SMTN: variants seen among roughly 807,000 people sequenced by gnomAD.
SMTN encodes smoothelin.
Under a neutral mutation model 102.0 loss-of-function variants are expected in SMTN, and 58 were observed. That is an observed-to-expected ratio of 0.57 (90% confidence interval 0.46 to 0.71). The LOEUF is 0.71. Among genes scored for constraint, SMTN ranks in the 30% least tolerant of loss-of-function variants. The probability of loss-of-function intolerance (pLI) is 0.00; values close to 1 mark genes in which losing one functional copy is unlikely to be tolerated. For synonymous variants in SMTN, 478 were observed against 497.9 expected (o/e 0.96, Z 0.53); for missense variants, 1,185 against 1,241.7 (o/e 0.95, Z 0.69).
intron 13 of SMTN, chr22:31,096,021 C>T (rs556085648): frequency 4.4e-4 from 122 of 277,556 alleles, no homozygotes; most frequent in African/African-American, 2.6e-3. Flanking sequence ...TTCCCTTTTC[C>T]TGGACACAAC....
At chr22:31,073,269 A>C (rs1473531282) in intron 1 of SMTN, among the ~76,000 whole-genome samples, 1 of 152,088 alleles carries the variant, frequency 6.6e-6, no homozygotes, top group Non-Finnish European at 1.5e-5. Context: ...GCACGCACGC[A>C]TGCACGCATG....
In SMTN at chr22:31,087,956, C is replaced by CCACTGCAGCTGGAGGT. The variant is rs1175505532; in HGVS notation, c.52-5_62dup. ...AGCCAAAATGACCTGCCTCTCGCACCCACTGCAGCTGGAGGTCACAGCAGA... is the reference window on the plus strand; with the variant it reads ...AGCCAAAATGACCTGCCTCTCGCACCCACTGCAGCTGGAGGTCACTGCAGCTGGAGGTCACAGCAGA... On this transcript the variant is annotated splice_polypyrimidine_tract_variant and intron_variant, in intron 2 of 20. Coordinates refer to ENST00000333137, the MANE Select transcript of SMTN (RefSeq NM_134269.3). 6.3e-7 allele frequency: 1 copy of CCACTGCAGCTGGAGGT among 1,579,576 alleles called. No homozygotes were observed. The highest frequency in any genetic ancestry group is 8.6e-7 in the Non-Finnish European group (1 of 1,158,614).
At chr22:31,104,263 C>T in intron 20 of SMTN, 53 bp from the exon 21 acceptor site, 2 of 1,601,698 alleles carry the variant, frequency 1.2e-6, no homozygotes, top group Non-Finnish European at 1.7e-6. Flanking sequence ...TAGAGGGGCG[C>T]CACGAGAGGC....
intron 1 of SMTN, 102 bp from the exon 2 acceptor site, chr22:31,083,076 TA>T: frequency 6.7e-7 from 1 of 1,486,590 alleles, no homozygotes; most frequent in Non-Finnish European, 9.2e-7. Flanking sequence ...GATGGGACAG[TA>T]ATGGACGCTC....
chr22:31,094,742 C>T (rs1220597629), intron 11 of SMTN, among the ~76,000 whole-genome samples: 1 of 150,944 alleles, frequency 6.6e-6, no homozygotes, highest in Non-Finnish European at 1.5e-5. Context: ...AGTGCAGCTG[C>T]ATGATCATAG....
At position 31,088,723 on chromosome 22, in the gene SMTN, G is replaced by C. The variant is rs1180374201; in HGVS notation, c.319G>C (p.Glu107Gln). 2.5e-6 allele frequency: 4 copies of C among 1,613,676 alleles called. No homozygotes were observed. Among genetic ancestry groups the C allele is most frequent in the Non-Finnish European group, 3.4e-6 (4 of 1,179,812 alleles). Residue 107 changes from glutamate to glutamine, a missense_variant, in exon 5 of 21, where the codon GAG becomes CAG. Transcript: ENST00000333137. The stretch of plus-strand genomic sequence containing the variant: ...GTTGCGAAGCGCTGGTGAGTATGAG[G>C]AGCGCAAGCTGATCCGAGCTGCCAT... Reference protein sequence around the residue: ...ALLRSAGEYEERKLIRAAIRR... With the variant: ...ALLRSAGEYEQRKLIRAAIRR...
chr22:31,066,716 C>T (rs1186830387), intron 1 of SMTN: 2 of 152,122 alleles, frequency 1.3e-5, no homozygotes, highest in African/African-American at 4.8e-5. Flanking sequence ...CATATCAAAC[C>T]TCCTAATTAA....
chr22:31,068,505 G>A (rs1164256650), intron 1 of SMTN, among the ~76,000 whole-genome samples: 3 of 152,004 alleles, frequency 2.0e-5, no homozygotes, highest in Non-Finnish European at 2.9e-5. Context: ...GCTGTCTTTT[G>A]TACCAATTAG....
At chr22:31,092,955 C>T (rs1406754446) in intron 11 of SMTN, among the ~76,000 whole-genome samples, 1 of 152,222 alleles carries the variant, frequency 6.6e-6, no homozygotes, top group Non-Finnish European at 1.5e-5. Flanking sequence ...GCCTCCATTT[C>T]CCCCATCTGT....
chr22:31,071,733 A>G (rs2042009243), intron 1 of SMTN, among the ~76,000 whole-genome samples: 1 of 140,716 alleles, frequency 7.1e-6, no homozygotes. Context: ...TTTCACTCTG[A>G]TACCCAATCT....
chr22:31,101,034 T>C lies in SMTN; in HGVS notation c.*5T>C, dbSNP rs779531991. On this transcript the variant is annotated 3_prime_UTR_variant, in exon 20 of 21. Coordinates refer to ENST00000333137, the MANE Select transcript of SMTN (RefSeq NM_134269.3). ...GTAAAAACCAAAAAGTCCTAACCCC[T>C]GCTCGGGGCCCCACGGTGAGAAACG... 1.2e-6 allele frequency: 2 copies of C among 1,604,424 alleles called. No individual in the cohort carries two copies. The highest frequency in any genetic ancestry group is 1.7e-6 in the Non-Finnish European group (2 of 1,173,888).
rs779944602 is a variant in SMTN at position 31,095,514 on chromosome 22, A to G, written c.1786-20A>G. ...GAGGCCAGCAGGCACCAGGTAGGCAATGATGGGCTCTATATGCAGCTGGAT... is the reference window on the plus strand; with the variant it reads ...GAGGCCAGCAGGCACCAGGTAGGCAGTGATGGGCTCTATATGCAGCTGGAT... On this transcript the variant is annotated intron_variant, in intron 12 of 20. Coordinates refer to ENST00000333137, the MANE Select transcript of SMTN (RefSeq NM_134269.3). The surrounding 1 kb of genome is among the most constrained non-coding windows in gnomAD (Gnocchi z 4.1). The G allele has an allele frequency of 4.3e-6, 7 of 1,614,210 alleles. No individual in the cohort carries two copies. Among genetic ancestry groups the G allele is most frequent in the Middle Eastern group, 1.6e-4 (1 of 6,062 alleles).
chr22:31,098,737 G>A lies in SMTN; in HGVS notation c.2230G>A (p.Glu744Lys). Residue 744 changes from glutamate to lysine, a missense_variant, in exon 17 of 21, where the codon GAG (glutamate) becomes AAG (lysine). Transcript: ENST00000333137. ...GGCGGCGCTCGAGAAACGGCAGGCC[G>A]AGAAGAAGAAAGAGCTGATGAAGGC... ...SLAALEKRQA[E>K]KKKELMKAQS... 3 of 1,613,378 alleles carry A rather than the reference G, an allele frequency of 1.9e-6. No homozygotes were observed. The highest frequency in any genetic ancestry group is 1.1e-5 in the South Asian group (1 of 91,080).
chr22:31,096,764 GCAGGAGGCA>G lies in SMTN; in HGVS notation c.1895_1903del (p.Gln632_Ala634del), dbSNP rs769921714. ...GGGACAAGGAGCGGGAACGGCGGCT[GCAGGAGGCA>G]CGGGGCCGGCCAGGGGAGGGGCGCG... On this transcript the variant is annotated inframe_deletion, in exon 14 of 21. Coordinates refer to ENST00000333137, the MANE Select transcript of SMTN (RefSeq NM_134269.3). 50 of 1,557,020 alleles carry G rather than the reference GCAGGAGGCA, an allele frequency of 3.2e-5. No homozygotes were observed. The African/African-American group carries it at 6.8e-4, about 21-fold the overall frequency.
intron 1 of SMTN, among the ~76,000 whole-genome samples, chr22:31,069,378 T>G (rs2147467226): frequency 6.6e-6 from 1 of 151,152 alleles, no homozygotes; most frequent in East Asian, 2.0e-4. Flanking sequence ...TGGAGAGAAC[T>G]GCCTCCCCAA....
chr22:31,073,443 C>A (rs1392327783), intron 1 of SMTN, among the ~76,000 whole-genome samples: 1 of 152,120 alleles, frequency 6.6e-6, no homozygotes, highest in Non-Finnish European at 1.5e-5. Context: ...GTGACCCCTG[C>A]GCAAAGGCAG....
Position 31,104,621 on chromosome 22 carries a change from A to G in SMTN, c.*326A>G. The G allele has an allele frequency of 1.3e-6, 1 of 796,986 alleles. No individual in the cohort carries two copies. The highest frequency in any genetic ancestry group is 2.0e-6 in the Non-Finnish European group (1 of 498,482). 49.4% of individuals were successfully genotyped at this position (796,986 alleles called of 1,614,324 possible). On this transcript the variant is annotated 3_prime_UTR_variant, in exon 21 of 21. Coordinates refer to ENST00000333137, the MANE Select transcript of SMTN (RefSeq NM_134269.3). The stretch of plus-strand genomic sequence containing the variant: ...CGTTTTGATAAATTATTGGTTTTCA[A>G]CGATCCTGACTCCTCTCTGCGTCTC...
intron 11 of SMTN, chr22:31,093,769 G>A (rs554015617): frequency 2.6e-5 from 41 of 1,591,166 alleles, no homozygotes; most frequent in Middle Eastern, 1.7e-4. Context: ...CGCCGACCCC[G>A]AGGCCCTCTT....
At position 31,099,191 on chromosome 22, in the gene SMTN, G is replaced by A; in HGVS notation, c.2451+12G>A. ...CTCGCGGCTACGAGGTGAGCCCCGG[G>A]AGGCCAGGGGGCCTGGAGGCCTCCC... On this transcript the variant is annotated intron_variant, in intron 18 of 20. Transcript: ENST00000333137. 1 of 1,598,008 alleles carries A rather than the reference G, an allele frequency of 6.3e-7. No homozygotes were observed.
Sources: gnomAD v4.1 joint callset for allele counts (sites outside exome capture counted in the v4.1 genomes callset) on GRCh38, gnomAD v4.1.1 for gene constraint, Gnocchi (gnomAD v3.1) non-coding constraint, MANE v1.5 for transcripts, NCBI Gene and HGNC (gene_info 2026-07-23, HGNC 2026-07-21) for gene names.